ABITRAM: variants seen among roughly 807,000 people sequenced by gnomAD.
The protein encoded by ABITRAM is actin binding transcription modulator.
A neutral mutation model predicts 22.9 loss-of-function variants in ABITRAM; 19 were observed. That is an observed-to-expected ratio of 0.83 (90% confidence interval 0.58 to 1.22). The LOEUF (loss-of-function observed/expected upper bound fraction) is 1.22. ABITRAM is among the 50% of genes most tolerant of loss of function. The probability of loss-of-function intolerance (pLI) is 0.00; values close to 1 mark genes in which losing one functional copy is unlikely to be tolerated. For synonymous variants in ABITRAM, 70 were observed against 73.9 expected (o/e 0.95, Z 0.27); for missense variants, 215 against 220.2 (o/e 0.98, Z 0.15).
At chr9:108,943,816 G>T, downstream of ABITRAM, 2 of 1,612,630 alleles carry the variant, frequency 1.2e-6, no homozygotes, top group Non-Finnish European at 1.7e-6. Flanking sequence ...TCGTCTTTCA[G>T]CTGAAATGTA....
downstream of ABITRAM, chr9:108,943,658 CAGATAA>C (rs1830312318): frequency 6.0e-6 from 9 of 1,509,928 alleles, no homozygotes; most frequent in Non-Finnish European, 8.1e-6. Context: ...GGGCTTTAAC[CAGATAA>C]AGATAGATGT....
downstream of ABITRAM, chr9:108,944,153 A>C (rs1830330117): frequency 1.2e-6 from 1 of 812,948 alleles, no homozygotes; most frequent in South Asian, 1.9e-5. Context: ...GGAACTCCTA[A>C]ACTTTTTCCA....
rs372315766 is a variant in ABITRAM at position 108,939,685 on chromosome 9, G to T, written c.545G>T (p.Ter182LeuextTer22). ...ATTAATGCCACAACAGCTACGTCAT[G>T]AGGATTGACATGGAACAAAAAGCAA... ...KRINATTATS[*>L] Residue 182 changes from the stop codon to leucine, a stop_lost, in exon 6 of 6, where the codon TGA (stop) becomes TTA (leucine). Transcript: ENST00000322940. The T allele has an allele frequency of 3.7e-6, 6 of 1,613,520 alleles. No homozygotes were observed. In the African/African-American group the frequency reaches 8.0e-5, roughly 22 times the overall value.
Position 108,936,314 on chromosome 9 carries a change from T to C in ABITRAM, c.138T>C (p.Cys46=). 6.2e-7 allele frequency: 1 copy of C among 1,613,096 alleles called. No individual in the cohort carries two copies. The highest frequency in any genetic ancestry group is 1.1e-5 in the South Asian group (1 of 90,982). ...CAACTTTTTCTCCTTGTAGAATATG[T>C]GTCATCACATTGGCAGAATCTCATC... ...HCILQHSNRI[C]VITLAESHPV... is the part of the protein sequence containing the mutation. The change falls in exon 3 of 6, where the codon TGT becomes TGC. Residue 46 remains cysteine (C), a synonymous_variant. Transcript: ENST00000322940.
chr9:108,939,815 T>C lies in ABITRAM; in HGVS notation c.*129T>C. 1 of 1,079,672 alleles carries C rather than the reference T, an allele frequency of 9.3e-7. No individual in the cohort carries two copies. Among genetic ancestry groups the C allele is most frequent in the South Asian group, 1.7e-5 (1 of 59,486 alleles). The allele number at this position is 1,079,672 out of a possible 1,614,324, so 66.9% of individuals were successfully genotyped here. A position where few individuals can be genotyped will look rare whatever the true frequency, so the allele number is the denominator to read the frequency against. On this transcript the variant is annotated 3_prime_UTR_variant, in exon 6 of 6. Coordinates refer to ENST00000322940, the MANE Select transcript of ABITRAM (RefSeq NM_017832.4). Reference sequence around the variant, plus strand: ...CCAGCCATATGCAGGGGAGGCCTAGTGCTTCACTTAGTTTTCCCTCTCTGT... The same window carrying C: ...CCAGCCATATGCAGGGGAGGCCTAGCGCTTCACTTAGTTTTCCCTCTCTGT...
downstream of ABITRAM, chr9:108,943,028 G>C: frequency 6.2e-7 from 1 of 1,611,598 alleles, no homozygotes; most frequent in Non-Finnish European, 8.5e-7. Context: ...TCTTGTCTTC[G>C]TAATACACTT....
chr9:108,942,593 A>G, downstream of ABITRAM: 1 of 578,904 alleles, frequency 1.7e-6, no homozygotes, highest in South Asian at 2.4e-5. Context: ...TTACCAAGAC[A>G]TTTATTAGTT....
At position 108,947,627 on chromosome 9, in the gene ABITRAM, G is replaced by C. The variant is rs540992591; in HGVS notation, c.262-2880G>C. 6.8e-4 allele frequency among the ~76,000 whole-genome samples: 104 copies of C among 152,326 alleles called. 3 individuals carry two copies. In the South Asian group the frequency reaches 0.021, roughly 31 times the overall value. On this transcript the variant is annotated intron_variant, in intron 3 of 3. Coordinates refer to the ABITRAM transcript ENST00000374624. The stretch of plus-strand genomic sequence containing the variant: ...TCTAACTAGAGGGAGTAGAATTACA[G>C]ATGGGCCTATGTGGAGTCCTGTTAA...
Position 108,935,621 on chromosome 9 carries a change from C to G in ABITRAM, c.80-17C>G. The G allele has an allele frequency of 6.2e-7, 1 of 1,603,422 alleles. No homozygotes were observed. Among genetic ancestry groups the G allele is most frequent in the East Asian group, 2.2e-5 (1 of 44,812 alleles). On this transcript the variant is annotated splice_polypyrimidine_tract_variant and intron_variant, in intron 1 of 5. Coordinates refer to ENST00000322940, the MANE Select transcript of ABITRAM (RefSeq NM_017832.4). ...AATATTGATTTCAGCCACCAACAGA[C>G]TCATGTATTCTTCTAGATGTCAAAG...
intron 3 of ABITRAM, among the ~76,000 whole-genome samples, chr9:108,938,252 A>G (rs1204338786): frequency 6.6e-6 from 1 of 152,226 alleles, no homozygotes; most frequent in Non-Finnish European, 1.5e-5. Context: ...GTATTTTAAA[A>G]TGAAGAACCC....
Position 108,939,680 on chromosome 9 carries a change from G to C in ABITRAM, c.540G>C (p.Thr180=). 1.9e-6 allele frequency: 3 copies of C among 1,613,866 alleles called. No individual in the cohort carries two copies. The highest frequency in any genetic ancestry group is 2.5e-6 in the Non-Finnish European group (3 of 1,179,882). Residue 180 remains threonine, a synonymous_variant, in exon 6 of 6, where the codon ACG becomes ACC. Transcript: ENST00000322940. ...MVKRINATTA[T]S ...AACGCATTAATGCCACAACAGCTAC[G>C]TCATGAGGATTGACATGGAACAAAA...
At chr9:108,943,224 T>G (rs1048899587), downstream of ABITRAM, among the ~76,000 whole-genome samples, 2 of 152,210 alleles carry the variant, frequency 1.3e-5, no homozygotes, top group African/African-American at 4.8e-5. Flanking sequence ...CAGGGGTAGC[T>G]GCCTAGATTT....
At chr9:108,950,644 G>C (rs2289481) in exon 4 of ABITRAM, 554,634 of 1,538,994 alleles carry the variant, frequency 0.36, 101,975 homozygotes, top group Admixed American at 0.48. Flanking sequence ...CCTCACTTCT[G>C]TCTGCTGCCT....
downstream of ABITRAM, chr9:108,943,041 C>T (rs149681828): frequency 9.5e-5 from 152 of 1,607,324 alleles, no homozygotes; most frequent in African/African-American, 1.7e-3. Context: ...ATACACTTGT[C>T]AACCTACAAT....
At chr9:108,939,323 T>C in intron 4 of ABITRAM, 51 bp downstream of exon 4, 1 of 1,592,180 alleles carries the variant, frequency 6.3e-7, no homozygotes, top group Non-Finnish European at 8.5e-7. Context: ...GGTAATTTTT[T>C]TTCTTAGAAA....
chr9:108,945,543 C>T (rs142243791), downstream of ABITRAM, among the ~76,000 whole-genome samples: 373 of 150,740 alleles, frequency 2.5e-3, 3 homozygotes, highest in African/African-American at 8.4e-3. Flanking sequence ...CTCACTACAG[C>T]CTTGACCTCC....
At chr9:108,934,641 A>T (rs1255346939) in intron 1 of ABITRAM, 76 bp downstream of exon 1, 78 of 1,391,194 alleles carry the variant, frequency 5.6e-5, no homozygotes, top group Non-Finnish European at 7.4e-5. Context: ...ACAGATCATA[A>T]GCCACGCGCG....
chr9:108,942,785 A>G (rs1284362271), downstream of ABITRAM: 4 of 1,611,690 alleles, frequency 2.5e-6, no homozygotes, highest in East Asian at 2.2e-5. Flanking sequence ...TTTACTATCC[A>G]TAGTGTCCTT....
At chr9:108,944,140 T>G (rs28361181), downstream of ABITRAM, 3,047 of 955,162 alleles carry the variant, frequency 3.2e-3, 69 homozygotes, top group African/African-American at 0.044. Flanking sequence ...AAAAAGTCTG[T>G]CAGGAACTCC....
Sources: allele counts gnomAD v4.1 joint callset (sites outside exome capture counted in the v4.1 genomes callset), GRCh38; gene constraint gnomAD v4.1.1; transcripts MANE v1.5; gene names NCBI Gene and HGNC (gene_info 2026-07-23, HGNC 2026-07-21).